SP3: variants seen among roughly 807,000 people sequenced by gnomAD.
SP3 encodes transcription factor Sp3.
In SP3, 10 loss-of-function variants were observed where a neutral mutation model predicts 70.3. The observed-to-expected ratio is 0.14, with a 90% confidence interval of 0.09 to 0.24. The LOEUF is 0.24. SP3 is among the 10% of genes least tolerant of loss of function. The probability of loss-of-function intolerance (pLI) is 1.00; values close to 1 mark genes in which losing one functional copy is unlikely to be tolerated. For missense variants in SP3, 825 were observed against 914.6 expected (o/e 0.90, Z 1.26); for synonymous variants, 402 against 333.5 (o/e 1.21, Z -2.24).
intron 4 of SP3, among the ~76,000 whole-genome samples, chr2:173,947,903 G>C (rs1690592185): frequency 6.6e-6 from 1 of 152,120 alleles, no homozygotes; most frequent in Admixed American, 6.5e-5. Context: ...CAAACACTCA[G>C]CTAACAGTTC....
chr2:173,955,999 T>C lies in SP3; in HGVS notation c.513A>G (p.Gln171=), dbSNP rs1355414689. 2.5e-6 allele frequency: 4 copies of C among 1,614,096 alleles called. No homozygotes were observed. The highest frequency in any genetic ancestry group is 3.4e-6 in the Non-Finnish European group (4 of 1,180,036). ...SNGTVSSVQY[Q]VIPQIQSADG... is the part of the protein sequence containing the mutation. ...CTGCTGACTGGATCTGTGGTATCACTTGATATTGAACACTGGACACTGTAC... is the reference window on the plus strand; with the variant it reads ...CTGCTGACTGGATCTGTGGTATCACCTGATATTGAACACTGGACACTGTAC... The change falls in exon 4 of 7, where the codon CAA becomes CAG. Residue 171 remains glutamine, a synonymous_variant. Coordinates refer to ENST00000310015, the MANE Select transcript of SP3 (RefSeq NM_003111.5).
At chr2:173,945,937 C>A (rs1480675246) in intron 4 of SP3, among the ~76,000 whole-genome samples, 1 of 152,024 alleles carries the variant, frequency 6.6e-6, no homozygotes, top group Non-Finnish European at 1.5e-5. Flanking sequence ...ACCAGCCTGG[C>A]CAACGTGGTG....
In SP3 at chr2:173,955,814, T is replaced by C. The variant is rs780811070; in HGVS notation, c.698A>G (p.Gln233Arg). The C allele has an allele frequency of 2.4e-5, 38 of 1,614,124 alleles. No individual in the cohort carries two copies. In the South Asian group the frequency reaches 4.0e-4, roughly 17 times the overall value. ...NIQNLIPQTG[Q>R]VQVQGVAIGG... is the part of the protein sequence containing the mutation. ...AATTGCAACTCCCTGAACCTGGACT[T>C]GACCAGTCTGTGGTATGAGATTCTG... The change falls in exon 4 of 7, where the codon CAA becomes CGA. Residue 233 changes from glutamine (Q) to arginine (R), a missense_variant. Physicochemically the swap from Gln to Arg is conservative, Grantham distance 43. Coordinates refer to ENST00000310015, the MANE Select transcript of SP3 (RefSeq NM_003111.5).
chr2:173,950,048 T>G (rs1232451509), intron 4 of SP3, among the ~76,000 whole-genome samples: 1 of 152,036 alleles, frequency 6.6e-6, no homozygotes, highest in Non-Finnish European at 1.5e-5. Flanking sequence ...GAGACAACAA[T>G]GAAGTTTCCT....
At chr2:173,930,835 T>C (rs185259701) in intron 4 of SP3, among the ~76,000 whole-genome samples, 10 of 152,330 alleles carry the variant, frequency 6.6e-5, no homozygotes, top group African/African-American at 2.2e-4. Flanking sequence ...TGCTGTCTAA[T>C]AGAAATACAA....
intron 4 of SP3, among the ~76,000 whole-genome samples, chr2:173,924,627 A>G (rs1304622648): frequency 6.6e-6 from 1 of 152,138 alleles, no homozygotes; most frequent in Non-Finnish European, 1.5e-5. Context: ...ATGAGAAAAC[A>G]AAGAGGTTAT....
chr2:173,964,337 G>T lies in SP3; in HGVS notation c.156+68C>A. On this transcript the variant is annotated intron_variant, in intron 2 of 6. Coordinates refer to ENST00000310015, the MANE Select transcript of SP3 (RefSeq NM_003111.5). Reference sequence around the variant, plus strand: ...GAGGGAGGGGTGAGGCGAGGAGGGAGGGGAGAGGCGAGGGGAGGAGAAAGC... The same window carrying T: ...GAGGGAGGGGTGAGGCGAGGAGGGATGGGAGAGGCGAGGGGAGGAGAAAGC... 3 of 640,070 alleles carry T rather than the reference G, an allele frequency of 4.7e-6. No homozygotes were observed. The East Asian group carries it at 9.3e-5, about 20-fold the overall frequency. The allele number at this position is 640,070 out of a possible 1,614,324, so 39.6% of individuals were successfully genotyped here. A position where few individuals can be genotyped will look rare whatever the true frequency, so the allele number is the denominator to read the frequency against.
rs943539882 is a variant in SP3, at chr2:173,907,690, T to G, written c.*2251A>C. On this transcript the variant is annotated 3_prime_UTR_variant, in exon 7 of 7. Coordinates refer to ENST00000310015, the MANE Select transcript of SP3 (RefSeq NM_003111.5). ...GGTTTAATCTGACTTAATGGGCAGT[T>G]TGCTCAAGTGAACCACCTGCTGCTC... 2.6e-5 allele frequency: 4 copies of G among 152,136 alleles called. No individual in the cohort carries two copies. Among genetic ancestry groups the G allele is most frequent in the African/African-American group, 4.8e-5 (2 of 41,454 alleles). 9.4% of individuals were successfully genotyped at this position (152,136 alleles called of 1,614,324 possible).
rs765456394 is a variant in SP3, at chr2:173,913,270, A to G, written c.1833-4T>C. 6.3e-7 allele frequency: 1 copy of G among 1,583,210 alleles called. No homozygotes were observed. Among genetic ancestry groups the G allele is most frequent in the South Asian group, 1.2e-5 (1 of 85,382 alleles). On this transcript the variant is annotated splice_polypyrimidine_tract_variant and splice_region_variant and intron_variant, in intron 5 of 6. Coordinates refer to ENST00000310015, the MANE Select transcript of SP3 (RefSeq NM_003111.5). ...CTTTTTCCCAAGATTGGTACCTCTA[A>G]AAAACACACATAGAATAATATATAC...
chr2:173,901,805 G>A lies in SP3; in HGVS notation c.*8136C>T, dbSNP rs556718399. Among the ~76,000 whole-genome samples the A allele has an allele frequency of 2.7e-5, 4 of 147,734 alleles. No homozygotes were observed. Among genetic ancestry groups the A allele is most frequent in the South Asian group, 4.3e-4 (2 of 4,654 alleles). On this transcript the variant is annotated 3_prime_UTR_variant, in exon 7 of 7. Coordinates refer to ENST00000310015, the MANE Select transcript of SP3 (RefSeq NM_003111.5). ...CAACCTATGCCTCCTGCGTTCAAGC[G>A]ATTCTCGTGCCTCAGCCTCCCGAGT...
rs957587490 is a variant in SP3, at chr2:173,907,649, C to T, written c.*2292G>A. ...AAATCCAGTATTACTTAAAACATCT[C>T]TACTATCATTCAAATGGTTTAATCT... On this transcript the variant is annotated 3_prime_UTR_variant, in exon 7 of 7. Coordinates refer to ENST00000310015, the MANE Select transcript of SP3 (RefSeq NM_003111.5). 1.3e-5 allele frequency: 2 copies of T among 152,064 alleles called. No homozygotes were observed. Among genetic ancestry groups the T allele is most frequent in the Non-Finnish European group, 2.9e-5 (2 of 67,962 alleles). 9.4% of individuals were successfully genotyped at this position (152,064 alleles called of 1,614,324 possible).
At chr2:173,934,974 G>A (rs376365759) in intron 4 of SP3, among the ~76,000 whole-genome samples, 2 of 152,166 alleles carry the variant, frequency 1.3e-5, no homozygotes, top group African/African-American at 4.8e-5. Flanking sequence ...GCATCACAAA[G>A]AAGGTCTTAT....
chr2:173,940,432 C>T (rs141686038), intron 4 of SP3, among the ~76,000 whole-genome samples: 306 of 152,328 alleles, frequency 2.0e-3, no homozygotes, highest in African/African-American at 6.7e-3. Flanking sequence ...CGGAGCTCAG[C>T]CAGTCATGCT....
At chr2:173,947,233 T>G (rs1182846148) in intron 4 of SP3, among the ~76,000 whole-genome samples, 2 of 152,226 alleles carry the variant, frequency 1.3e-5, no homozygotes, top group Non-Finnish European at 2.9e-5. Flanking sequence ...ATTGCTTCTC[T>G]TGCCATTCAC....
At chr2:173,941,266 T>A (rs1034879924) in intron 4 of SP3, among the ~76,000 whole-genome samples, 3 of 152,104 alleles carry the variant, frequency 2.0e-5, no homozygotes, top group Non-Finnish European at 4.4e-5. Context: ...ATTATCTTAC[T>A]AAATCCAATA....
At chr2:173,938,531 G>A (rs1263632637) in intron 4 of SP3, among the ~76,000 whole-genome samples, 7 of 143,806 alleles carry the variant, frequency 4.9e-5, no homozygotes, top group East Asian at 2.0e-4. Context: ...ACAAATCTAC[G>A]TTTATTCTGT....
chr2:173,921,699 A>C (rs997198472), intron 4 of SP3, among the ~76,000 whole-genome samples: 1 of 152,154 alleles, frequency 6.6e-6, no homozygotes, highest in Non-Finnish European at 1.5e-5. Flanking sequence ...CTGGGCAACA[A>C]AGAAAGACCC....
Position 173,965,284 on chromosome 2 carries a change from G to C in SP3, c.-113C>G. Reference sequence around the variant, plus strand: ...AAGCGGCGGCGGACACGGCCGGAGCGGTCCGGGGATTTTTTTTTCCTATTT... The same window carrying C: ...AAGCGGCGGCGGACACGGCCGGAGCCGTCCGGGGATTTTTTTTTCCTATTT... On this transcript the variant is annotated 5_prime_UTR_variant, in exon 1 of 7. Coordinates refer to ENST00000310015, the MANE Select transcript of SP3 (RefSeq NM_003111.5). The C allele has an allele frequency of 7.9e-7, 1 of 1,266,788 alleles. No homozygotes were observed. Among genetic ancestry groups the C allele is most frequent in the Non-Finnish European group, 1.1e-6 (1 of 902,560 alleles). The allele number at this position is 1,266,788 out of a possible 1,614,324, so 78.5% of individuals were successfully genotyped here.
At position 173,905,303 on chromosome 2, in the gene SP3, T is replaced by C. The variant is rs1367547332; in HGVS notation, c.*4638A>G. Among the ~76,000 whole-genome samples, 2 of 152,208 alleles carry C rather than the reference T, an allele frequency of 1.3e-5. No individual in the cohort carries two copies. The highest frequency in any genetic ancestry group is 4.8e-5 in the African/African-American group (2 of 41,462). On this transcript the variant is annotated 3_prime_UTR_variant, in exon 7 of 7. Coordinates refer to ENST00000310015, the MANE Select transcript of SP3 (RefSeq NM_003111.5). ...GGAAGGAGGTTACCATTTGAATCTC[T>C]ACCGTTAAGTCAGGCACTATGCTGA...
Sources: allele counts gnomAD v4.1 joint callset (sites outside exome capture counted in the v4.1 genomes callset), GRCh38; gene constraint gnomAD v4.1.1; transcripts MANE v1.5; gene names NCBI Gene and HGNC (gene_info 2026-07-23, HGNC 2026-07-21).